Variants in TENM1 observed in about 807,000 individuals in gnomAD.
TENM1 encodes the protein teneurin-1.
TENM1 carries 35 observed loss-of-function variants against 174.8 expected under a neutral mutation model. The ratio of observed to expected loss-of-function variants is 0.20; its 90% CI spans 0.15 to 0.27. The LOEUF (loss-of-function observed/expected upper bound fraction) is 0.27. Among genes scored for constraint, TENM1 ranks in the 10% least tolerant of loss-of-function variants. The pLI is 1.00. For missense variants in TENM1, 1,633 were observed against 2,130.1 expected, an observed-to-expected ratio of 0.77 and a Z score of 4.59; for synonymous variants, 781 against 798.7, an observed-to-expected ratio of 0.98 and a Z score of 0.37.
At chrX:125,126,179 T>G in the TENM1 span, among the ~76,000 whole-genome samples, 1 of 111,843 alleles carries the variant, frequency 8.9e-6, no homozygotes, top group Non-Finnish European at 1.9e-5. Context: ...GAAGACTCCT[T>G]TTGTGTCACA....
At chrX:125,067,057 G>A in the TENM1 span, among the ~76,000 whole-genome samples, 1 of 110,691 alleles carries the variant, frequency 9.0e-6, no homozygotes, top group Non-Finnish European at 1.9e-5. Flanking sequence ...GAGTGAGCTT[G>A]GGATCCCCTG....
chrX:125,078,883 G>T, the TENM1 span, among the ~76,000 whole-genome samples: 7 of 111,508 alleles, frequency 6.3e-5, no homozygotes, highest in East Asian at 2.8e-4. Flanking sequence ...CAGTTATGCT[G>T]GTCACAGTTT....
chrX:124,472,113 T>C (rs1314351779), intron 22 of TENM1, among the ~76,000 whole-genome samples: 1 of 108,052 alleles, frequency 9.3e-6, no homozygotes, highest in Admixed American at 1.0e-4. Flanking sequence ...CATCCCCCTT[T>C]AGTATGCCAC....
rs374036669 is a variant in TENM1 at position 124,646,248 on chromosome X, A to T, written c.1681+461T>A. ...TCGTTACTTTGTAGGCTCCTTACTC[A>T]TTTGGTGATAACCCACCCCTTCCAC... On this transcript the variant is annotated intron_variant, in intron 9 of 31. Transcript: ENST00000422452. Among the ~76,000 whole-genome samples, 322 of 112,233 alleles carry T rather than the reference A, an allele frequency of 2.9e-3. 2 individuals carry two copies. The highest frequency in any genetic ancestry group is 9.8e-3 in the African/African-American group (302 of 30,957).
the TENM1 span, among the ~76,000 whole-genome samples, chrX:125,101,194 T>A: frequency 8.9e-6 from 1 of 112,048 alleles, no homozygotes; most frequent in African/African-American, 3.2e-5. Context: ...TAACCAGATA[T>A]TTTTGCTGCA....
intron 24 of TENM1, among the ~76,000 whole-genome samples, chrX:124,421,934 T>C (rs947297400): frequency 8.9e-6 from 1 of 112,293 alleles, no homozygotes; most frequent in Non-Finnish European, 1.9e-5. Flanking sequence ...GATCTTTCAT[T>C]TGTATAGTGG....
At chrX:124,484,515 T>A (rs1344319844) in intron 21 of TENM1, among the ~76,000 whole-genome samples, 1 of 112,076 alleles carries the variant, frequency 8.9e-6, no homozygotes, top group Non-Finnish European at 1.9e-5. Context: ...TTCAACCATT[T>A]ATTTATATCA....
chrX:124,380,829 G>A, exon 32 of TENM1: 1 of 1,210,949 alleles, frequency 8.3e-7, no homozygotes, highest in South Asian at 1.8e-5. Flanking sequence ...TTGAAGCACA[G>A]GGCTCCATGC....
chrX:125,000,396 C>T, the TENM1 span, among the ~76,000 whole-genome samples: 1 of 111,464 alleles, frequency 9.0e-6, no homozygotes, highest in South Asian at 3.8e-4. Context: ...AACACTGGGG[C>T]CGTCTTTCTA....
chrX:124,925,375 T>C (rs1046209578), intron 1 of TENM1, among the ~76,000 whole-genome samples: 1 of 111,366 alleles, frequency 9.0e-6, no homozygotes, highest in African/African-American at 3.3e-5. Flanking sequence ...ACTTCTAAAC[T>C]GGCTTGCATG....
chrX:124,654,238 C>T (rs767556845), intron 6 of TENM1, among the ~76,000 whole-genome samples: 95 of 112,656 alleles, frequency 8.4e-4, no homozygotes, highest in African/African-American at 2.8e-3. Flanking sequence ...CTAGCTATCT[C>T]TATCCTCTTT....
chrX:124,470,634 T>A lies in TENM1; in HGVS notation c.3949+11098A>T, dbSNP rs184397940. Reference sequence around the variant, plus strand: ...TTTTCTTCTTTCTCCTACTCTTTTTTAAAAAAAATAAATGTAATTTAAATA... The same window carrying A: ...TTTTCTTCTTTCTCCTACTCTTTTTAAAAAAAAATAAATGTAATTTAAATA... On this transcript the variant is annotated intron_variant, in intron 22 of 31. Coordinates refer to ENST00000422452, the Ensembl canonical transcript of TENM1. Among the ~76,000 whole-genome samples, 484 of 111,331 alleles carry A rather than the reference T, an allele frequency of 4.3e-3. 2 individuals carry two copies. The highest frequency in any genetic ancestry group is 0.015 in the African/African-American group (449 of 30,674).
chrX:124,726,087 C>T (rs1603076951), intron 4 of TENM1, among the ~76,000 whole-genome samples: 1 of 112,091 alleles, frequency 8.9e-6, no homozygotes. Flanking sequence ...TTGCTATACT[C>T]GTATATTACA....
intron 31 of TENM1, 61 bp downstream of exon 34, chrX:124,382,609 C>T (rs749772517): frequency 1.9e-6 from 2 of 1,079,242 alleles, no homozygotes; most frequent in South Asian, 2.1e-5. Flanking sequence ...TATATAATTT[C>T]TGGGTATTGA....
At chrX:124,587,650 C>T (rs1327152726) in intron 11 of TENM1, among the ~76,000 whole-genome samples, 1 of 110,426 alleles carries the variant, frequency 9.1e-6, no homozygotes, top group Non-Finnish European at 1.9e-5. Flanking sequence ...ATGTCTAAAA[C>T]ACCAAAAGCA....
chrX:124,960,140 C>T (rs762650393), intron 1 of TENM1, among the ~76,000 whole-genome samples: 3 of 111,941 alleles, frequency 2.7e-5, no homozygotes, highest in South Asian at 3.7e-4. Context: ...ATTGGGCATG[C>T]GCGACTTCAC....
chrX:124,444,647 T>G (rs181663459), intron 23 of TENM1, among the ~76,000 whole-genome samples: 50 of 111,297 alleles, frequency 4.5e-4, no homozygotes, highest in African/African-American at 1.5e-3. Flanking sequence ...TAAAGTTTTT[T>G]TTTTTTAAAC....
chrX:124,771,566 G>A (rs970230178), intron 3 of TENM1, among the ~76,000 whole-genome samples: 2 of 112,314 alleles, frequency 1.8e-5, no homozygotes, highest in Admixed American at 1.9e-4. Flanking sequence ...TTAGTCCAGC[G>A]CAATCCTTAA....
chrX:124,889,607 C>T (rs1037766596), intron 3 of TENM1, among the ~76,000 whole-genome samples: 5 of 110,581 alleles, frequency 4.5e-5, no homozygotes, highest in South Asian at 3.9e-4. Flanking sequence ...AGCATTCTCA[C>T]GTACTTTATT....
Sources: allele counts gnomAD v4.1 joint callset (sites outside exome capture counted in the v4.1 genomes callset), GRCh38; gene constraint gnomAD v4.1.1; transcripts MANE v1.5; gene names NCBI Gene and HGNC (gene_info 2026-07-23, HGNC 2026-07-21).